The following PLLP variants were observed in gnomAD, a reference collection of about 807,000 sequenced individuals.
PLLP encodes plasmolipin.
In PLLP, 15 loss-of-function variants were observed where a neutral mutation model predicts 19.7. The ratio of observed to expected loss-of-function variants is 0.76; its 90% confidence interval spans 0.51 to 1.17. The LOEUF is 1.17. PLLP is among the 50% of genes most tolerant of loss of function. The pLI is 0.00. For synonymous variants in PLLP, 111 were observed against 116.3 expected, an observed-to-expected ratio of 0.95 and a Z score of 0.29; for missense variants, 255 against 258.3, an observed-to-expected ratio of 0.99 and a Z score of 0.09.
Position 57,284,448 on chromosome 16 carries a change from G to T in PLLP, c.93C>A (p.Gly31=). The change falls in exon 1 of 4, where the codon GGC becomes GGA. Residue 31 remains glycine, a synonymous_variant. Coordinates refer to ENST00000219207, the MANE Select transcript of PLLP (RefSeq NM_015993.3). ...ASVSALRPDL[G]FVRSRLGALM... ...GCGCCCCGAGGCGGGAGCGCACGAAGCCCAGGTCCGGGCGCAGCGCCGACA... is the reference window on the plus strand; with the variant it reads ...GCGCCCCGAGGCGGGAGCGCACGAATCCCAGGTCCGGGCGCAGCGCCGACA... 3 of 1,404,780 alleles carry T rather than the reference G, an allele frequency of 2.1e-6. No homozygotes were observed. In the South Asian group the frequency reaches 4.5e-5, roughly 21 times the overall value. 87.0% of individuals were successfully genotyped at this position (1,404,780 alleles called of 1,614,324 possible).
chr16:57,256,716 G>A lies in PLLP; in HGVS notation c.*197C>T, dbSNP rs1567528079. 1 of 563,814 alleles carries A rather than the reference G, an allele frequency of 1.8e-6. No individual in the cohort carries two copies. The highest frequency in any genetic ancestry group is 3.2e-6 in the Non-Finnish European group (1 of 315,058). 34.9% of individuals were successfully genotyped at this position (563,814 alleles called of 1,614,324 possible). ...AAGAGGTCTCAGCAGTTGGCCTCCT[G>A]CAAGCCGAGATGCCTGCCAGCCTGG... On this transcript the variant is annotated 3_prime_UTR_variant, in exon 4 of 4. Transcript: ENST00000219207.
intron 1 of PLLP, among the ~76,000 whole-genome samples, chr16:57,264,962 C>T (rs1334161678): frequency 6.6e-6 from 1 of 152,268 alleles, no homozygotes; most frequent in Non-Finnish European, 1.5e-5. Flanking sequence ...TGCCTCCCCC[C>T]AACCCAAGTA....
At chr16:57,278,492 T>C (rs1223745686) in intron 1 of PLLP, among the ~76,000 whole-genome samples, 2 of 152,240 alleles carry the variant, frequency 1.3e-5, no homozygotes, top group African/African-American at 2.4e-5. Flanking sequence ...ACTACAGCTT[T>C]AGTGTAATCT....
At chr16:57,277,153 C>T (rs1024313678) in intron 1 of PLLP, among the ~76,000 whole-genome samples, 1 of 152,090 alleles carries the variant, frequency 6.6e-6, no homozygotes, top group African/African-American at 2.4e-5. Flanking sequence ...CATAGGTCTC[C>T]TTAAAGAAAG....
rs767295231 is a variant in PLLP, at chr16:57,262,114, C to G, written c.136-44G>C. On this transcript the variant is annotated intron_variant, in intron 1 of 3. Transcript: ENST00000219207. The stretch of plus-strand genomic sequence containing the variant: ...GCAGGATTGGCCAGAGATGCGGTTT[C>G]ATTTCTTATCTAGCTAAGAAATACT... 7.6e-6 allele frequency: 12 copies of G among 1,583,466 alleles called. No homozygotes were observed. The Admixed American group carries it at 2.0e-4, about 26-fold the overall frequency.
chr16:57,284,424 C>G lies in PLLP; in HGVS notation c.117G>C (p.Ala39=). The G allele has an allele frequency of 7.0e-7, 1 of 1,420,866 alleles. No homozygotes were observed. Among genetic ancestry groups the G allele is most frequent in the Non-Finnish European group, 9.2e-7 (1 of 1,086,106 alleles). The allele number at this position is 1,420,866 out of a possible 1,614,324, so 88.0% of individuals were successfully genotyped here. The stretch of plus-strand genomic sequence containing the variant: ...CTCTCACCAGCTGCAGCAGCATGAG[C>G]GCCCCGAGGCGGGAGCGCACGAAGC... ...DLGFVRSRLG[A]LMLLQLVLGL... The change falls in exon 1 of 4, where the codon GCG becomes GCC. Residue 39 remains alanine (A), a synonymous_variant. Coordinates refer to ENST00000219207, the MANE Select transcript of PLLP (RefSeq NM_015993.3).
chr16:57,272,235 T>C (rs763972079), intron 1 of PLLP, among the ~76,000 whole-genome samples: 1 of 152,132 alleles, frequency 6.6e-6, no homozygotes, highest in Non-Finnish European at 1.5e-5. Context: ...CTGGTAAGGG[T>C]TGGGACCTGG....
At chr16:57,263,157 T>C (rs1468427006) in intron 1 of PLLP, 1 of 152,338 alleles carries the variant, frequency 6.6e-6, no homozygotes, top group Non-Finnish European at 1.5e-5. Context: ...CAAGGGCCTC[T>C]GGGTGACCTC....
intron 1 of PLLP, among the ~76,000 whole-genome samples, chr16:57,279,439 A>G (rs1054987670): frequency 5.1e-4 from 76 of 150,026 alleles, no homozygotes; most frequent in Admixed American, 4.5e-3. Context: ...TTGGGAGGCC[A>G]AGGCAGGTGG....
At chr16:57,274,972 A>G (rs915587085) in intron 1 of PLLP, among the ~76,000 whole-genome samples, 1 of 151,526 alleles carries the variant, frequency 6.6e-6, no homozygotes, top group Non-Finnish European at 1.5e-5. Flanking sequence ...CGTGTTAGCC[A>G]GGATGGTCTC....
intron 1 of PLLP, among the ~76,000 whole-genome samples, chr16:57,274,438 C>T (rs1901123230): frequency 6.6e-6 from 1 of 152,230 alleles, no homozygotes; most frequent in South Asian, 2.1e-4. Context: ...CTGGAGGCAA[C>T]CAAGAGTGTG....
rs143517286 is a variant in PLLP at position 57,281,316 on chromosome 16, C to A, written c.135+3090G>T. The stretch of plus-strand genomic sequence containing the variant: ...GTTTTCTCACCTAAAATGGGGCCGA[C>A]TAAGAAGATCTAAAGGCCTTGGCAA... On this transcript the variant is annotated intron_variant, in intron 1 of 3. Transcript: ENST00000219207. Among the ~76,000 whole-genome samples the A allele has an allele frequency of 3.3e-3, 500 of 152,244 alleles. 3 individuals are homozygous for A. Among genetic ancestry groups the A allele is most frequent in the African/African-American group, 0.011 (462 of 41,524 alleles).
intron 1 of PLLP, among the ~76,000 whole-genome samples, chr16:57,281,196 T>C (rs1328931627): frequency 6.6e-6 from 1 of 152,204 alleles, no homozygotes; most frequent in African/African-American, 2.4e-5. Flanking sequence ...AAGCCACACG[T>C]GGTCATTAAG....
In PLLP at chr16:57,256,893, G is replaced by A. The variant is rs775601402; in HGVS notation, c.*20C>T. 4 of 1,549,470 alleles carry A rather than the reference G, an allele frequency of 2.6e-6. No individual in the cohort carries two copies. The highest frequency in any genetic ancestry group is 1.1e-5 in the South Asian group (1 of 89,870). On this transcript the variant is annotated 3_prime_UTR_variant, in exon 4 of 4. Transcript: ENST00000219207. ...CCCAGCGGCGGCTTCAGCCCCAGAG[G>A]GGGCCGTGGCACAGGTGGTTTAGGC... is the stretch of plus-strand genomic sequence containing the variant.
At chr16:57,279,358 C>CCTT (rs1311441647) in intron 1 of PLLP, among the ~76,000 whole-genome samples, 3,256 of 148,248 alleles carry the variant, frequency 0.022, 138 homozygotes, top group African/African-American at 0.079. Context: ...TCTTCTTCTT[C>CCTT]TTCCTTTTTT....
chr16:57,263,215 A>C lies in PLLP; in HGVS notation c.136-1145T>G, dbSNP rs1167528614. 7 of 152,196 alleles carry C rather than the reference A, an allele frequency of 4.6e-5. No individual in the cohort carries two copies. In the South Asian group the frequency reaches 1.4e-3, roughly 32 times the overall value. The allele number at this position is 152,196 out of a possible 1,614,324, so 9.4% of individuals were successfully genotyped here. On this transcript the variant is annotated intron_variant, in intron 1 of 3. Coordinates refer to ENST00000219207, the MANE Select transcript of PLLP (RefSeq NM_015993.3). ...GGCTCTCCCAGATGCCCTTCTATAC[A>C]GGTGTTGCCATCTCACAGGTGAAAC...
chr16:57,274,310 A>G (rs1241067309), intron 1 of PLLP, among the ~76,000 whole-genome samples: 1 of 151,932 alleles, frequency 6.6e-6, no homozygotes, highest in Non-Finnish European at 1.5e-5. Flanking sequence ...CAATATTTTC[A>G]TTTATTTCAA....
intron 1 of PLLP, among the ~76,000 whole-genome samples, chr16:57,275,603 C>CA (rs34400512): frequency 0.22 from 4,853 of 22,270 alleles, 197 homozygotes; most frequent in Non-Finnish European, 0.3. Flanking sequence ...AGAAATTCAG[C>CA]AAAAAAAAAA....
intron 2 of PLLP, 42 bp from the exon 3 acceptor site, chr16:57,258,626 A>G (rs2075433194): frequency 6.2e-7 from 1 of 1,604,168 alleles, no homozygotes. Flanking sequence ...GAAAAGGCTT[A>G]AGACACAAAG....
Sources: gnomAD v4.1 joint callset for allele counts (sites outside exome capture counted in the v4.1 genomes callset) on GRCh38, gnomAD v4.1.1 for gene constraint, MANE v1.5 for transcripts, NCBI Gene and HGNC (gene_info 2026-07-23, HGNC 2026-07-21) for gene names.